The following DPP6 variants were observed in gnomAD, a reference collection of about 807,000 sequenced individuals.
DPP6 encodes dipeptidyl peptidase like 6.
Under a neutral mutation model 122.6 loss-of-function variants are expected in DPP6, and 69 were observed. The ratio of observed to expected loss-of-function variants is 0.56; its 90% CI spans 0.46 to 0.69. The LOEUF (loss-of-function observed/expected upper bound fraction) is 0.69. Ranked by LOEUF, DPP6 falls within the 30% of genes least tolerant of loss-of-function variation. The probability of loss-of-function intolerance (pLI) is 0.00; values close to 1 mark genes in which losing one functional copy is unlikely to be tolerated. For synonymous variants in DPP6, 418 were observed against 433.1 expected, an observed-to-expected ratio of 0.97 and a Z score of 0.43; for missense variants, 928 against 1,116.9, an observed-to-expected ratio of 0.83 and a Z score of 2.41.
At chr7:154,698,855 G>A (rs1336964425) in intron 7 of DPP6, among the ~76,000 whole-genome samples, 3 of 152,198 alleles carry the variant, frequency 2.0e-5, no homozygotes, top group African/African-American at 7.2e-5. Context: ...TTCTGAGCTG[G>A]GTTCTGTGAT....
rs1797535467 is a variant in DPP6 at position 154,171,577 on chromosome 7, A to G, written c.243+118514A>G. 2.0e-5 allele frequency among the ~76,000 whole-genome samples: 3 copies of G among 152,272 alleles called. No individual in the cohort carries two copies. In the South Asian group the frequency reaches 6.2e-4, roughly 32 times the overall value. ...CTACAAATCCACTTCAAGGGCTCACATGCAAATCAGGCCCTGCTGGCAGCC... is the reference window on the plus strand; with the variant it reads ...CTACAAATCCACTTCAAGGGCTCACGTGCAAATCAGGCCCTGCTGGCAGCC... On this transcript the variant is annotated intron_variant, in intron 1 of 25. Transcript: ENST00000377770.
intron 1 of DPP6, among the ~76,000 whole-genome samples, chr7:153,973,557 T>C (rs778029054): frequency 3.0e-4 from 46 of 151,902 alleles, no homozygotes; most frequent in Non-Finnish European, 6.2e-4. Context: ...AATCCATCTC[T>C]AGTCCTGGGT....
intron 13 of DPP6, among the ~76,000 whole-genome samples, chr7:154,801,725 A>AG (rs1324628960): frequency 6.6e-6 from 1 of 152,050 alleles, no homozygotes; most frequent in Admixed American, 6.6e-5. Context: ...TCCCCTGTTC[A>AG]GTGTAAGGCC....
At chr7:154,765,847 G>A (rs552293816) in intron 8 of DPP6, among the ~76,000 whole-genome samples, 25 of 152,272 alleles carry the variant, frequency 1.6e-4, no homozygotes, top group Admixed American at 1.1e-3. Flanking sequence ...CAAGGCAGGC[G>A]TCCATGCAAT....
chr7:154,413,020 T>C (rs1243913332), intron 1 of DPP6, among the ~76,000 whole-genome samples: 1 of 152,064 alleles, frequency 6.6e-6, no homozygotes, highest in African/African-American at 2.4e-5. Flanking sequence ...CCCCTGGGAG[T>C]TCATGAGAAA....
chr7:153,918,466 A>T (rs6464370), intron 1 of DPP6, among the ~76,000 whole-genome samples: 46,720 of 95,048 alleles, frequency 0.49, 9,462 homozygotes, highest in African/African-American at 0.55. Flanking sequence ...ACACACACAC[A>T]CTCTCTCTCT....
At chr7:154,102,538 C>A (rs932058952) in intron 1 of DPP6, among the ~76,000 whole-genome samples, 2 of 152,144 alleles carry the variant, frequency 1.3e-5, no homozygotes, top group African/African-American at 4.8e-5. Context: ...CACAGACTTG[C>A]CCCTTCAATG....
chr7:154,029,801 A>C (rs554287231), intron 1 of DPP6, among the ~76,000 whole-genome samples: 5,442 of 151,140 alleles, frequency 0.036, 99 homozygotes, highest in South Asian at 0.078. Flanking sequence ...AGCTGAGATC[A>C]CGCCACTACA....
the DPP6 span, among the ~76,000 whole-genome samples, chr7:153,880,361 A>G: frequency 6.6e-6 from 1 of 152,246 alleles, no homozygotes; most frequent in Non-Finnish European, 1.5e-5. Flanking sequence ...GGAATCACAT[A>G]CACTTAACTG....
chr7:154,401,405 T>G (rs551914887), intron 1 of DPP6, among the ~76,000 whole-genome samples: 1 of 150,630 alleles, frequency 6.6e-6, no homozygotes, highest in African/African-American at 2.5e-5. Context: ...CAACCCCAAA[T>G]TATTGATTTA....
chr7:154,452,050 G>T (rs1820425833), intron 2 of DPP6, among the ~76,000 whole-genome samples: 1 of 152,222 alleles, frequency 6.6e-6, no homozygotes, highest in Non-Finnish European at 1.5e-5. Flanking sequence ...CTCCAGAGCA[G>T]TGTCAAATTC....
intron 17 of DPP6, among the ~76,000 whole-genome samples, chr7:154,854,200 C>T (rs971725962): frequency 1.3e-5 from 2 of 152,168 alleles, no homozygotes; most frequent in Non-Finnish European, 2.9e-5. Context: ...CATGGAGGCT[C>T]ATCTGTCTTT....
intron 13 of DPP6, among the ~76,000 whole-genome samples, chr7:154,802,714 G>A (rs1222948565): frequency 1.3e-5 from 2 of 152,102 alleles, no homozygotes; most frequent in Admixed American, 6.5e-5. Context: ...GCACCTGCCT[G>A]TAGTCCCAGC....
intron 1 of DPP6, among the ~76,000 whole-genome samples, chr7:154,311,434 T>G (rs1806872510): frequency 6.6e-6 from 1 of 151,880 alleles, no homozygotes; most frequent in Admixed American, 6.6e-5. Flanking sequence ...GAGGTCAAGT[T>G]TGCAGTGAGC....
At chr7:154,210,690 G>A (rs1242674417) in intron 1 of DPP6, among the ~76,000 whole-genome samples, 1 of 152,162 alleles carries the variant, frequency 6.6e-6, no homozygotes, top group South Asian at 2.1e-4. Flanking sequence ...TATAGGCAAA[G>A]ACATGCTGGT....
At chr7:154,708,372 C>G (rs563416717) in intron 7 of DPP6, among the ~76,000 whole-genome samples, 1 of 152,196 alleles carries the variant, frequency 6.6e-6, no homozygotes, top group Non-Finnish European at 1.5e-5. Context: ...CAGTGTTCAC[C>G]TATGCTCCCG....
chr7:153,884,987 AATATATATAT>A (rs56329841), upstream of DPP6, among the ~76,000 whole-genome samples: 65 of 116,466 alleles, frequency 5.6e-4, 1 homozygote, highest in Middle Eastern at 4.4e-3. Context: ...TCAAAACAAA[AATATATATAT>A]ATATATATAT....
chr7:154,136,049 T>G (rs1263714243), intron 1 of DPP6, among the ~76,000 whole-genome samples: 1 of 152,218 alleles, frequency 6.6e-6, no homozygotes, highest in Non-Finnish European at 1.5e-5. Context: ...TGCACATGAT[T>G]CTTTACCACC....
At chr7:154,045,210 A>AC (rs1174021763) in intron 1 of DPP6, among the ~76,000 whole-genome samples, 4 of 151,684 alleles carry the variant, frequency 2.6e-5, no homozygotes, top group Admixed American at 1.3e-4. Context: ...ATAAAAAAAA[A>AC]AAAAACACTC....
Sources: gnomAD v4.1 joint callset for allele counts (sites outside exome capture counted in the v4.1 genomes callset) on GRCh38, gnomAD v4.1.1 for gene constraint, MANE v1.5 for transcripts, NCBI Gene and HGNC (gene_info 2026-07-23, HGNC 2026-07-21) for gene names.